SEPTIN10: variants seen among roughly 807,000 people sequenced by gnomAD.
The protein encoded by SEPTIN10 is septin 10, also known as septin-10.
A neutral mutation model predicts 54.8 loss-of-function variants in SEPTIN10; 66 were observed. That is an observed-to-expected ratio of 1.21 (90% CI 0.99 to 1.48). The LOEUF (loss-of-function observed/expected upper bound fraction) is 1.48. SEPTIN10 is among the 40% of genes most tolerant of loss of function. The probability of loss-of-function intolerance (pLI) is 0.00; values close to 1 mark genes in which losing one functional copy is unlikely to be tolerated. For missense variants in SEPTIN10, 620 were observed against 545.6 expected, an observed-to-expected ratio of 1.14 and a Z score of -1.36; for synonymous variants, 161 against 181.0, an observed-to-expected ratio of 0.89 and a Z score of 0.89.
intron 4 of SEPTIN10, among the ~76,000 whole-genome samples, chr2:109,583,351 G>T (rs1304171336): frequency 6.6e-6 from 1 of 151,924 alleles, no homozygotes; most frequent in Non-Finnish European, 1.5e-5. Context: ...GTGGCCAAAA[G>T]ACATGGACAT....
intron 9 of SEPTIN10, among the ~76,000 whole-genome samples, chr2:109,546,503 A>C (rs1681289017): frequency 6.6e-6 from 1 of 152,134 alleles, no homozygotes; most frequent in African/African-American, 2.4e-5. Context: ...CTTTTCCTAG[A>C]GTTTTTATTT....
chr2:109,577,569 G>T (rs1421485536), intron 4 of SEPTIN10, among the ~76,000 whole-genome samples: 1 of 150,096 alleles, frequency 6.7e-6, no homozygotes, highest in Non-Finnish European at 1.5e-5. Context: ...TCTAGCCTCA[G>T]TGACAGAGTG....
intron 1 of SEPTIN10, among the ~76,000 whole-genome samples, chr2:109,606,515 A>G (rs1698006893): frequency 6.6e-6 from 1 of 152,212 alleles, no homozygotes; most frequent in African/African-American, 2.4e-5. Context: ...CATAGTGGAC[A>G]TAGTTATAGC....
chr2:109,598,322 C>G (rs766460848), intron 1 of SEPTIN10, among the ~76,000 whole-genome samples: 11 of 151,994 alleles, frequency 7.2e-5, no homozygotes, highest in African/African-American at 9.7e-5. Flanking sequence ...CCCACCTCAG[C>G]CTCCCAAAGT....
At chr2:109,546,788 A>T (rs1300238803) in intron 9 of SEPTIN10, among the ~76,000 whole-genome samples, 1 of 152,240 alleles carries the variant, frequency 6.6e-6, no homozygotes, top group African/African-American at 2.4e-5. Context: ...GGCTTAAAAA[A>T]ATCCTAAATT....
intron 8 of SEPTIN10, among the ~76,000 whole-genome samples, chr2:109,557,472 G>A (rs1477057752): frequency 6.6e-6 from 1 of 152,174 alleles, no homozygotes; most frequent in Non-Finnish European, 1.5e-5. Flanking sequence ...TAGCTGAAAA[G>A]TAAAAAGCTG....
intron 4 of SEPTIN10, among the ~76,000 whole-genome samples, chr2:109,582,439 C>T (rs1178673381): frequency 6.6e-6 from 1 of 152,138 alleles, no homozygotes; most frequent in Non-Finnish European, 1.5e-5. Context: ...CCCACTTCAG[C>T]CTCCCGAGTA....
At chr2:109,594,547 TTCTCC>T (rs1558864651) in intron 1 of SEPTIN10, 1 of 151,736 alleles carries the variant, frequency 6.6e-6, no homozygotes, top group Non-Finnish European at 1.5e-5. Flanking sequence ...CAGCACAGTG[TTCTCC>T]TCTGTATACT....
chr2:109,563,385 T>C (rs1025000134), intron 8 of SEPTIN10, among the ~76,000 whole-genome samples: 8 of 152,252 alleles, frequency 5.3e-5, no homozygotes, highest in Admixed American at 3.9e-4. Context: ...TTGTTTACTC[T>C]GGTGCAGGTG....
chr2:109,585,827 G>A lies in SEPTIN10; in HGVS notation c.111C>T (p.Asn37=), dbSNP rs564973052. The change falls in exon 3 of 11, where the codon AAC becomes AAT. Residue 37 remains asparagine (N), a synonymous_variant. Transcript: ENST00000397712. The part of the protein sequence containing the change: ...GSDDEQIKRE[N]IRSLTMSGHV... ...GGCCAGACATAGTCAACGAACGAATGTTTTCTCTTTTCTGAAGGAAAATAA... is the reference window on the plus strand; with the variant it reads ...GGCCAGACATAGTCAACGAACGAATATTTTCTCTTTTCTGAAGGAAAATAA... 5.0e-6 allele frequency: 8 copies of A among 1,601,024 alleles called. No individual in the cohort carries two copies. The Admixed American group carries it at 8.4e-5, about 17-fold the overall frequency.
intron 1 of SEPTIN10, chr2:109,613,358 G>T: frequency 2.8e-6 from 1 of 354,054 alleles, no homozygotes; most frequent in Non-Finnish European, 5.3e-6. Flanking sequence ...AAACGGGAGA[G>T]CTTTTGAAAA....
intron 1 of SEPTIN10, among the ~76,000 whole-genome samples, chr2:109,612,374 C>T (rs761676369): frequency 2.6e-4 from 40 of 152,234 alleles, no homozygotes; most frequent in South Asian, 1.2e-3. Context: ...CTGGGAACAT[C>T]CTTTATCTTC....
rs749478292 is a variant in SEPTIN10, at chr2:109,565,848, C to G, written c.774G>C (p.Pro258=). The G allele has an allele frequency of 1.2e-6, 2 of 1,613,894 alleles. No individual in the cohort carries two copies. The highest frequency in any genetic ancestry group is 2.7e-5 in the African/African-American group (2 of 74,902). ...CATCCATACTTCCCACAACAGCAAA[C>G]GGCAACTGTCCCTGAAAAAGAATAT... The part of the protein sequence containing the change: ...KVNAAMNGQL[P]FAVVGSMDEV... Residue 258 remains proline, a synonymous_variant, in exon 7 of 11, where the codon CCG becomes CCC. Coordinates refer to ENST00000397712, the MANE Select transcript of SEPTIN10 (RefSeq NM_144710.5).
chr2:109,566,587 T>A (rs1687098816), intron 6 of SEPTIN10, among the ~76,000 whole-genome samples: 1 of 152,142 alleles, frequency 6.6e-6, no homozygotes, highest in Non-Finnish European at 1.5e-5. Context: ...GGTGTATAGA[T>A]ATGGTACTAA....
intron 8 of SEPTIN10, among the ~76,000 whole-genome samples, chr2:109,555,456 G>A (rs940272145): frequency 6.6e-6 from 1 of 152,052 alleles, no homozygotes; most frequent in Non-Finnish European, 1.5e-5. Flanking sequence ...CTTCTGTAAA[G>A]TCTCCCCCAC....
chr2:109,585,977 C>T (rs1573691302), intron 2 of SEPTIN10, 139 bp from the exon 3 acceptor site: 1 of 611,920 alleles, frequency 1.6e-6, no homozygotes, highest in Non-Finnish European at 2.9e-6. Context: ...AAGATACAAG[C>T]GATTAAGTAA....
intron 4 of SEPTIN10, among the ~76,000 whole-genome samples, chr2:109,575,582 G>A (rs911484133): frequency 6.6e-6 from 1 of 152,158 alleles, no homozygotes; most frequent in African/African-American, 2.4e-5. Flanking sequence ...TGCTAATGCT[G>A]TTCCAAGAAT....
At position 109,578,191 on chromosome 2, in the gene SEPTIN10, C is replaced by T. The variant is rs552277004; in HGVS notation, c.414-3424G>A. Among the ~76,000 whole-genome samples, 10 of 152,062 alleles carry T rather than the reference C, an allele frequency of 6.6e-5. 1 individual carries two copies. Among genetic ancestry groups the T allele is most frequent in the African/African-American group, 1.4e-4 (6 of 41,502 alleles). On this transcript the variant is annotated intron_variant, in intron 4 of 10. Coordinates refer to ENST00000397712, the MANE Select transcript of SEPTIN10 (RefSeq NM_144710.5). ...ATGGTAGATTTAAACCTAAATATGT[C>T]GGTAATTACATTAATTTTGAAGGAA...
intron 9 of SEPTIN10, chr2:109,552,590 G>A (rs973258084): frequency 1.3e-5 from 2 of 157,082 alleles, no homozygotes; most frequent in Non-Finnish European, 2.8e-5. Flanking sequence ...CGCATACACT[G>A]TGTTGCCACT....
Sources: allele counts gnomAD v4.1 joint callset (sites outside exome capture counted in the v4.1 genomes callset), GRCh38; gene constraint gnomAD v4.1.1; transcripts MANE v1.5; gene names NCBI Gene and HGNC (gene_info 2026-07-23, HGNC 2026-07-21).